SYN3: variants seen among roughly 807,000 people sequenced by gnomAD.
SYN3 encodes synapsin III.
SYN3 carries 35 observed loss-of-function variants against 65.8 expected under a neutral mutation model. The observed-to-expected ratio is 0.53, with a 90% CI of 0.41 to 0.70. SYN3 has a LOEUF of 0.70. Ranked by LOEUF, SYN3 falls within the 30% of genes least tolerant of loss-of-function variation. The pLI is 0.00. For synonymous variants in SYN3, 270 were observed against 292.9 expected (o/e 0.92, Z 0.80); for missense variants, 680 against 749.0 (o/e 0.91, Z 1.08).
In SYN3 at chr22:32,529,107, G is replaced by A. The variant is rs538210273; in HGVS notation, c.1096-99C>T. 1.7e-5 allele frequency: 25 copies of A among 1,466,568 alleles called. No individual in the cohort carries two copies. In the Middle Eastern group the frequency reaches 6.2e-4, roughly 36 times the overall value. The allele number at this position is 1,466,568 out of a possible 1,614,324, so 90.8% of individuals were successfully genotyped here. ...TGGGGGCTCAGGGCTCAGGACAGAA[G>A]TGACCACCAGATGGCGATGTCCTCC... On this transcript the variant is annotated intron_variant, in intron 10 of 13. Transcript: ENST00000358763.
At chr22:32,936,077 C>T (rs751049277) in intron 3 of SYN3, among the ~76,000 whole-genome samples, 1 of 151,956 alleles carries the variant, frequency 6.6e-6, no homozygotes, top group Admixed American at 6.6e-5. Context: ...ACTGGTGTAC[C>T]CTGAAAAAGA....
chr22:32,727,322 T>A (rs1677996193), intron 6 of SYN3, among the ~76,000 whole-genome samples: 3 of 152,244 alleles, frequency 2.0e-5, no homozygotes, highest in Admixed American at 2.0e-4. Flanking sequence ...ATGATCTCAT[T>A]CCTTTTAATT....
intron 6 of SYN3, among the ~76,000 whole-genome samples, chr22:32,817,746 C>A (rs567248944): frequency 1.3e-5 from 2 of 152,106 alleles, no homozygotes; most frequent in African/African-American, 4.8e-5. Flanking sequence ...TTGTTTATAC[C>A]GTTAAGGACA....
At chr22:32,957,105 C>A (rs2051489982) in intron 3 of SYN3, among the ~76,000 whole-genome samples, 1 of 152,090 alleles carries the variant, frequency 6.6e-6, no homozygotes, top group Non-Finnish European at 1.5e-5. Context: ...GAGACTGGCA[C>A]CTCTGGAGAG....
rs2057661458 is a variant in SYN3, at chr22:32,508,913, TTGC to T, written c.*4776_*4778del. On this transcript the variant is annotated 3_prime_UTR_variant, in exon 14 of 14. Transcript: ENST00000358763. Reference sequence around the variant, plus strand: ...CAGTTGATGTTCAGTTTTATGGGGTTTGCTGCTGTGTTTGTTACCATGTGAGTG... The same window carrying T: ...CAGTTGATGTTCAGTTTTATGGGGTTTGCTGTGTTTGTTACCATGTGAGTG... Among the ~76,000 whole-genome samples, 1 of 152,192 alleles carries T rather than the reference TTGC, an allele frequency of 6.6e-6. No homozygotes were observed. The highest frequency in any genetic ancestry group is 2.4e-5 in the African/African-American group (1 of 41,448).
intron 4 of SYN3, among the ~76,000 whole-genome samples, chr22:32,880,975 A>G (rs1044195583): frequency 1.3e-5 from 2 of 152,162 alleles, no homozygotes; most frequent in East Asian, 1.9e-4. Flanking sequence ...CTCAAGTGGC[A>G]TGTCGCCGGG....
At chr22:32,607,703 T>A (rs921933738) in intron 6 of SYN3, among the ~76,000 whole-genome samples, 2 of 152,254 alleles carry the variant, frequency 1.3e-5, no homozygotes, top group African/African-American at 2.4e-5. Flanking sequence ...ATTTCCTGTT[T>A]CCCTGAGAAA....
chr22:32,880,035 T>C (rs908911314), intron 4 of SYN3, among the ~76,000 whole-genome samples: 4 of 152,292 alleles, frequency 2.6e-5, no homozygotes, highest in African/African-American at 9.6e-5. Flanking sequence ...CCTGGGATGA[T>C]TGTCTCCCAT....
intron 3 of SYN3, among the ~76,000 whole-genome samples, chr22:32,946,135 G>A (rs1482003730): frequency 1.1e-4 from 17 of 152,336 alleles, no homozygotes; most frequent in Admixed American, 2.6e-4. Context: ...ACAGTGTGGC[G>A]ATTCCTCAAG....
intron 2 of SYN3, among the ~76,000 whole-genome samples, chr22:32,989,779 G>A (rs1196337092): frequency 7.1e-6 from 1 of 139,980 alleles, no homozygotes; most frequent in African/African-American, 2.6e-5. Context: ...AGGTTGCAGT[G>A]AGCCAAGATC....
At chr22:32,607,713 A>C (rs2059390862) in intron 6 of SYN3, among the ~76,000 whole-genome samples, 2 of 152,228 alleles carry the variant, frequency 1.3e-5, no homozygotes, top group African/African-American at 4.8e-5. Context: ...TCCCTGAGAA[A>C]CGGAATAGTC....
intron 2 of SYN3, among the ~76,000 whole-genome samples, chr22:32,991,874 G>A (rs1424826436): frequency 6.6e-6 from 1 of 152,214 alleles, no homozygotes; most frequent in Non-Finnish European, 1.5e-5. Context: ...CCTCTCTCCT[G>A]TCGAAGATGC....
chr22:33,008,072 G>A (rs995113360), intron 1 of SYN3, among the ~76,000 whole-genome samples: 1 of 152,108 alleles, frequency 6.6e-6, no homozygotes, highest in Non-Finnish European at 1.5e-5. Flanking sequence ...AAGTAGCTGG[G>A]ATTACAGGCA....
chr22:32,644,945 C>T (rs2059962661), intron 6 of SYN3, among the ~76,000 whole-genome samples: 1 of 152,114 alleles, frequency 6.6e-6, no homozygotes, highest in African/African-American at 2.4e-5. Flanking sequence ...CTCTCTCCAG[C>T]CTCAGCTCAG....
chr22:32,881,967 A>G (rs1022492831), intron 4 of SYN3, among the ~76,000 whole-genome samples: 4 of 152,018 alleles, frequency 2.6e-5, no homozygotes, highest in African/African-American at 9.7e-5. Context: ...AGGCAGGGGA[A>G]TCACTTGAAC....
chr22:32,960,642 C>T (rs1031352248), intron 3 of SYN3, among the ~76,000 whole-genome samples: 2 of 152,230 alleles, frequency 1.3e-5, no homozygotes, highest in African/African-American at 2.4e-5. Flanking sequence ...TTTAAGACAA[C>T]AGGCTCTGAC....
At chr22:32,755,090 C>G (rs2045252322) in intron 6 of SYN3, among the ~76,000 whole-genome samples, 1 of 152,218 alleles carries the variant, frequency 6.6e-6, no homozygotes, top group African/African-American at 2.4e-5. Context: ...AGGCTGGGAA[C>G]TGGTCTGGGG....
intron 6 of SYN3, among the ~76,000 whole-genome samples, chr22:32,783,885 A>C (rs1430314175): frequency 6.6e-6 from 1 of 152,200 alleles, no homozygotes; most frequent in African/African-American, 2.4e-5. Flanking sequence ...CAGCAATACT[A>C]TAACTGTGTC....
At chr22:32,605,007 GAAAAAAAA>G (rs543726592) in intron 6 of SYN3, among the ~76,000 whole-genome samples, 2 of 91,162 alleles carry the variant, frequency 2.2e-5, no homozygotes, top group African/African-American at 4.4e-5. Context: ...CTCCATCTCA[GAAAAAAAA>G]AAAAAAAAAA....
Sources: gnomAD v4.1 joint callset for allele counts (sites outside exome capture counted in the v4.1 genomes callset) on GRCh38, gnomAD v4.1.1 for gene constraint, MANE v1.5 for transcripts, NCBI Gene and HGNC (gene_info 2026-07-23, HGNC 2026-07-21) for gene names.